Variants in PRICKLE2 observed in about 807,000 individuals in gnomAD.
The protein encoded by PRICKLE2 is prickle planar cell polarity protein 2.
PRICKLE2 carries 21 observed loss-of-function variants against 81.4 expected under a neutral mutation model. The observed-to-expected ratio is 0.26, with a 90% CI of 0.18 to 0.37. PRICKLE2 has a LOEUF of 0.37. Ranked by LOEUF, PRICKLE2 falls within the 10% of genes least tolerant of loss-of-function variation. The pLI, the probability that PRICKLE2 is intolerant of heterozygous loss-of-function variation, is 1.00. For missense variants in PRICKLE2, 940 were observed against 1,109.0 expected (o/e 0.85, Z 2.16); for synonymous variants, 456 against 421.5 (o/e 1.08, Z -1.00).
chr3:64,140,197 T>C (rs2077339235), intron 7 of PRICKLE2, among the ~76,000 whole-genome samples: 1 of 152,196 alleles, frequency 6.6e-6, no homozygotes, highest in African/African-American at 2.4e-5. Context: ...AAGATGAGGA[T>C]AGTGAGGTGC....
intron 7 of PRICKLE2, among the ~76,000 whole-genome samples, chr3:64,139,596 CA>C (rs1319899146): frequency 6.6e-6 from 1 of 152,188 alleles, no homozygotes; most frequent in East Asian, 1.9e-4. Context: ...GCCATCTTTT[CA>C]AAATGCAAAT....
rs1290100468 is a variant in PRICKLE2 at position 64,093,932 on chromosome 3, C to T, written c.*5119G>A. Reference sequence around the variant, plus strand: ...TACAGACATCAGTAAAACATCATATCCATTTTACAGGGCACGGATCTCAAG... The same window carrying T: ...TACAGACATCAGTAAAACATCATATTCATTTTACAGGGCACGGATCTCAAG... On this transcript the variant is annotated 3_prime_UTR_variant, in exon 8 of 8. Transcript: ENST00000638394. 6.6e-6 allele frequency: 1 copy of T among 152,602 alleles called. No individual in the cohort carries two copies. The highest frequency in any genetic ancestry group is 1.9e-4 in the East Asian group (1 of 5,200). 9.5% of individuals were successfully genotyped at this position (152,602 alleles called of 1,614,324 possible).
intron 2 of PRICKLE2, among the ~76,000 whole-genome samples, chr3:64,186,293 C>A (rs1185285980): frequency 1.3e-5 from 2 of 152,180 alleles, no homozygotes; most frequent in African/African-American, 4.8e-5. Context: ...CACAACTATG[C>A]TGTAGTTAAG....
At chr3:64,227,357 C>T (rs1668073747), upstream of PRICKLE2, among the ~76,000 whole-genome samples, 3 of 152,188 alleles carry the variant, frequency 2.0e-5, no homozygotes, top group African/African-American at 4.8e-5. Context: ...GAAGCAGTGA[C>T]ATTCTAACCC....
chr3:64,156,073 G>C (rs1053150308), intron 5 of PRICKLE2, among the ~76,000 whole-genome samples: 1 of 152,098 alleles, frequency 6.6e-6, no homozygotes, highest in Non-Finnish European at 1.5e-5. Flanking sequence ...TATTCTAATT[G>C]CCATTAGACA....
intron 6 of PRICKLE2, among the ~76,000 whole-genome samples, chr3:64,149,304 T>C (rs569540439): frequency 6.6e-6 from 1 of 152,358 alleles, no homozygotes; most frequent in South Asian, 2.1e-4. Context: ...AAAAAAAATC[T>C]GCTCTCCTGG....
intron 2 of PRICKLE2, among the ~76,000 whole-genome samples, chr3:64,195,187 C>T (rs544143224): frequency 9.2e-5 from 14 of 152,338 alleles, no homozygotes; most frequent in African/African-American, 3.1e-4. Flanking sequence ...GATCAGTTTT[C>T]AGTTCAGTCA....
intron 2 of PRICKLE2, among the ~76,000 whole-genome samples, chr3:64,262,006 A>G (rs1433832897): frequency 6.6e-6 from 1 of 152,204 alleles, no homozygotes; most frequent in African/African-American, 2.4e-5. Context: ...TGAGATATGT[A>G]TCTTTTCTAT....
chr3:64,266,762 G>A (rs2079716130), intron 2 of PRICKLE2, among the ~76,000 whole-genome samples: 1 of 152,026 alleles, frequency 6.6e-6, no homozygotes, highest in Non-Finnish European at 1.5e-5. Flanking sequence ...CAGAAAGCAG[G>A]GAACTCAAAG....
chr3:64,159,740 A>G (rs146185816), intron 4 of PRICKLE2, among the ~76,000 whole-genome samples, 200 bp downstream of exon 4: 1 of 152,158 alleles, frequency 6.6e-6, no homozygotes, highest in East Asian at 1.9e-4. Context: ...ATCTTTTTCT[A>G]TTTTGTTGAT....
intron 7 of PRICKLE2, among the ~76,000 whole-genome samples, chr3:64,122,179 G>C (rs933117401): frequency 4.6e-4 from 70 of 152,194 alleles, no homozygotes; most frequent in Non-Finnish European, 8.5e-4. Context: ...TAGATAACCA[G>C]GGGGTAGTTT....
At chr3:64,100,581 C>A (rs2076643041) in intron 7 of PRICKLE2, 1 of 152,344 alleles carries the variant, frequency 6.6e-6, no homozygotes, top group African/African-American at 2.4e-5. Context: ...GGGTCTCTAG[C>A]AGCCAGAAGA....
intron 7 of PRICKLE2, chr3:64,141,732 G>A (rs1196238054): frequency 6.9e-6 from 6 of 870,130 alleles, no homozygotes; most frequent in African/African-American, 5.5e-5. Context: ...TGACAAGCCA[G>A]TGCAGCTATC....
intron 1 of PRICKLE2, among the ~76,000 whole-genome samples, chr3:64,222,055 C>A (rs1466029595): frequency 6.6e-6 from 1 of 152,184 alleles, no homozygotes; most frequent in Non-Finnish European, 1.5e-5. Flanking sequence ...CCCTGTTGTT[C>A]ACAGATCGGG....
chr3:64,092,344 A>G lies in PRICKLE2; in HGVS notation c.*6707T>C, dbSNP rs907384313. Reference sequence around the variant, plus strand: ...GTCCTTGTGATTAGCTAGGGTGGGTAAGACTACTTACTATTCCGAATGTCT... The same window carrying G: ...GTCCTTGTGATTAGCTAGGGTGGGTGAGACTACTTACTATTCCGAATGTCT... On this transcript the variant is annotated 3_prime_UTR_variant, in exon 8 of 8. Transcript: ENST00000638394. The G allele has an allele frequency of 1.3e-5, 2 of 152,234 alleles. No individual in the cohort carries two copies. The highest frequency in any genetic ancestry group is 2.9e-5 in the Non-Finnish European group (2 of 68,038). The allele number at this position is 152,234 out of a possible 1,614,324, so 9.4% of individuals were successfully genotyped here. A position where few individuals can be genotyped will look rare whatever the true frequency, so the allele number is the denominator to read the frequency against.
chr3:64,099,195 C>T lies in PRICKLE2; in HGVS notation c.2391G>A (p.Gln797=), dbSNP rs1306712063. The T allele has an allele frequency of 6.2e-7, 1 of 1,614,066 alleles. No homozygotes were observed. The highest frequency in any genetic ancestry group is 8.5e-7 in the Non-Finnish European group (1 of 1,180,036). Residue 797 remains glutamine, a synonymous_variant, in exon 8 of 8, where the codon CAG becomes CAA. Coordinates refer to ENST00000638394, the MANE Select transcript of PRICKLE2 (RefSeq NM_198859.4). This position sits in a 1 kb window ranked among gnomAD's most constrained non-coding sequence, Gnocchi z 4.3. ...EGYFLGEPIP[Q]PARLRYVTSD... ...TTGTGACGTATCGCAGGCGCGCTGG[C>T]TGGGGGATGGGTTCTCCTAGGAAAT...
chr3:64,264,464 G>A (rs1450402860), intron 2 of PRICKLE2, among the ~76,000 whole-genome samples: 3 of 152,148 alleles, frequency 2.0e-5, no homozygotes, highest in Non-Finnish European at 2.9e-5. Context: ...CTGGTAAGAC[G>A]TTAAGTCTGT....
rs774564338 is a variant in PRICKLE2 at position 64,157,370 on chromosome 3, G to A, written c.397-5C>T. 6.2e-7 allele frequency: 1 copy of A among 1,612,614 alleles called. No homozygotes were observed. Among genetic ancestry groups the A allele is most frequent in the East Asian group, 2.2e-5 (1 of 44,870 alleles). ...ACCATTGATCTGGCCTCCGCACTGT[G>A]AGGCAAACAGAAACATCAGTAGTCA... On this transcript the variant is annotated splice_polypyrimidine_tract_variant and splice_region_variant and intron_variant, in intron 4 of 7. Coordinates refer to ENST00000638394, the MANE Select transcript of PRICKLE2 (RefSeq NM_198859.4).
intron 2 of PRICKLE2, among the ~76,000 whole-genome samples, chr3:64,181,212 T>A (rs535111327): frequency 6.6e-6 from 1 of 152,164 alleles, no homozygotes; most frequent in African/African-American, 2.4e-5. Context: ...TACCTCTTCC[T>A]GGCTCACGAC....
Sources: allele counts gnomAD v4.1 joint callset (sites outside exome capture counted in the v4.1 genomes callset), GRCh38; gene constraint gnomAD v4.1.1; non-coding constraint Gnocchi (gnomAD v3.1); transcripts MANE v1.5; gene names NCBI Gene and HGNC (gene_info 2026-07-23, HGNC 2026-07-21).